The following SBF2 variants were observed in gnomAD, a reference collection of about 807,000 sequenced individuals.
SBF2 encodes the protein myotubularin-related protein 13.
Under a neutral mutation model 225.2 loss-of-function variants are expected in SBF2, and 112 were observed. The observed-to-expected ratio is 0.50, with a 90% CI of 0.43 to 0.58. The LOEUF (loss-of-function observed/expected upper bound fraction) is 0.58. Ranked by LOEUF, SBF2 falls within the 20% of genes least tolerant of loss-of-function variation. The pLI is 0.00. For synonymous variants in SBF2, 763 were observed against 773.3 expected (o/e 0.99, Z 0.22); for missense variants, 1,996 against 2,206.2 (o/e 0.90, Z 1.91).
At chr11:10,297,664 C>A (rs1964560368), upstream of SBF2, among the ~76,000 whole-genome samples, 1 of 152,142 alleles carries the variant, frequency 6.6e-6, no homozygotes, top group South Asian at 2.1e-4. Context: ...TGTTTTTAAG[C>A]CTAGAATCAA....
chr11:9,825,447 G>T (rs1855008818), intron 28 of SBF2, among the ~76,000 whole-genome samples: 1 of 152,096 alleles, frequency 6.6e-6, no homozygotes, highest in Non-Finnish European at 1.5e-5. Flanking sequence ...CCAATTTGTG[G>T]CACTTTGTTA....
intron 16 of SBF2, chr11:9,959,681 T>G (rs548451842): frequency 1.5e-4 from 108 of 731,214 alleles, no homozygotes; most frequent in Non-Finnish European, 2.6e-4. Flanking sequence ...CTTGCTTGAG[T>G]ACCATCGATT....
At chr11:9,948,435 A>T (rs1463475456) in intron 16 of SBF2, among the ~76,000 whole-genome samples, 1 of 152,222 alleles carries the variant, frequency 6.6e-6, no homozygotes, top group Non-Finnish European at 1.5e-5. Context: ...ATATATATTT[A>T]ACCACAGTTT....
intron 2 of SBF2, among the ~76,000 whole-genome samples, chr11:10,173,376 T>G (rs905861773): frequency 1.3e-5 from 2 of 152,210 alleles, no homozygotes; most frequent in African/African-American, 4.8e-5. Context: ...GAGTTCCCTT[T>G]CCTAGTCAAA....
At chr11:10,229,345 C>T (rs1324462464) in intron 1 of SBF2, among the ~76,000 whole-genome samples, 1 of 151,942 alleles carries the variant, frequency 6.6e-6, no homozygotes, top group African/African-American at 2.4e-5. Flanking sequence ...TTATTTCTTG[C>T]CTTCTGCTAG....
chr11:10,028,471 A>C lies in SBF2; in HGVS notation c.600T>G (p.Ala200=), dbSNP rs770433606. The C allele has an allele frequency of 5.5e-5, 88 of 1,610,994 alleles. No homozygotes were observed. The highest frequency in any genetic ancestry group is 7.1e-5 in the Non-Finnish European group (84 of 1,177,224). ...DSLPITGTSV[A]LLFQQLGIQN... ...ACATACCCAATTGCTGGAACAGGAGAGCCACACTAGTGCCCGTGATAGGAA... is the reference window on the plus strand; with the variant it reads ...ACATACCCAATTGCTGGAACAGGAGCGCCACACTAGTGCCCGTGATAGGAA... Residue 200 remains alanine, a synonymous_variant, in exon 6 of 40, where the codon GCT becomes GCG. Coordinates refer to ENST00000256190, the MANE Select transcript of SBF2 (RefSeq NM_030962.4).
intron 1 of SBF2, among the ~76,000 whole-genome samples, chr11:10,248,581 C>A (rs1332793424): frequency 6.6e-6 from 1 of 152,048 alleles, no homozygotes; most frequent in Non-Finnish European, 1.5e-5. Context: ...AGTAAAAATG[C>A]TAAGGGTTAA....
chr11:10,066,048 A>C (rs1441865981), intron 2 of SBF2, among the ~76,000 whole-genome samples: 4 of 152,100 alleles, frequency 2.6e-5, no homozygotes, highest in Admixed American at 2.6e-4. Context: ...AGAAAATAAA[A>C]CTATAGTTAA....
intron 2 of SBF2, among the ~76,000 whole-genome samples, chr11:10,106,320 T>C (rs1952552450): frequency 6.6e-6 from 1 of 152,108 alleles, no homozygotes; most frequent in Non-Finnish European, 1.5e-5. Context: ...AATAATCCTT[T>C]AGATACACAC....
In SBF2 at chr11:10,080,547, G is replaced by GA. The variant is rs552718062; in HGVS notation, c.142-37567dup. On this transcript the variant is annotated intron_variant, in intron 2 of 39. Coordinates refer to ENST00000256190, the MANE Select transcript of SBF2 (RefSeq NM_030962.4). ...ACCCTACTAAACCTAAAAAGACAGA[G>GA]AAAAAAAAAAGAATCCCAAAGGCAA... 4.7e-3 allele frequency among the ~76,000 whole-genome samples: 668 copies of GA among 141,050 alleles called. 3 individuals carry two copies. The highest frequency in any genetic ancestry group is 6.3e-3 in the South Asian group (28 of 4,474). The allele number at this position is 141,050 out of a possible 152,430, so 92.5% of individuals were successfully genotyped here. A position where few individuals can be genotyped will look rare whatever the true frequency, so the allele number is the denominator to read the frequency against.
chr11:9,816,780 G>A (rs1854478887), intron 29 of SBF2, 60 bp downstream of exon 29: 1 of 1,543,750 alleles, frequency 6.5e-7, no homozygotes. Context: ...TGTGATACAG[G>A]TTTTATCAAC....
intron 1 of SBF2, among the ~76,000 whole-genome samples, chr11:10,236,522 C>T (rs185181797): frequency 2.0e-5 from 3 of 152,078 alleles, no homozygotes; most frequent in Non-Finnish European, 2.9e-5. Context: ...TGCAGTGGCG[C>T]GATCTCAGCT....
At chr11:9,903,772 G>A (rs1480691877) in intron 16 of SBF2, among the ~76,000 whole-genome samples, 3 of 152,276 alleles carry the variant, frequency 2.0e-5, no homozygotes, top group East Asian at 1.9e-4. Context: ...CACTTGGGAG[G>A]TGAGCATGCG....
intron 2 of SBF2, among the ~76,000 whole-genome samples, chr11:10,170,354 G>C (rs575910163): frequency 6.6e-6 from 1 of 152,180 alleles, no homozygotes; most frequent in South Asian, 2.1e-4. Flanking sequence ...TGGACATCCA[G>C]TTTCTTCAGC....
chr11:9,959,206 T>C, intron 16 of SBF2: 2 of 780,426 alleles, frequency 2.6e-6, no homozygotes, highest in East Asian at 2.4e-5. Flanking sequence ...GAATTTCCAC[T>C]GGGCAGGCAT....
rs1402158409 is a variant in SBF2, at chr11:10,075,446, G to A, written c.142-32465C>T. ...GGTAGTTGATATGGTTTGGTTCTGTGTCCCCACCCAAATCTTATGTTGAAT... is the reference window on the plus strand; with the variant it reads ...GGTAGTTGATATGGTTTGGTTCTGTATCCCCACCCAAATCTTATGTTGAAT... On this transcript the variant is annotated intron_variant, in intron 2 of 39. Transcript: ENST00000256190. Among the ~76,000 whole-genome samples, 4 of 152,180 alleles carry A rather than the reference G, an allele frequency of 2.6e-5. No individual in the cohort carries two copies. In the East Asian group the frequency reaches 7.7e-4, roughly 29 times the overall value.
intron 1 of SBF2, among the ~76,000 whole-genome samples, chr11:10,227,669 C>G (rs1262390515): frequency 6.6e-6 from 1 of 152,116 alleles, no homozygotes; most frequent in African/African-American, 2.4e-5. Flanking sequence ...CTGTTCTGTT[C>G]CATTGGTCTA....
At chr11:9,844,513 C>T (rs1856401611) in intron 24 of SBF2, among the ~76,000 whole-genome samples, 1 of 152,106 alleles carries the variant, frequency 6.6e-6, no homozygotes, top group South Asian at 2.1e-4. Flanking sequence ...AAGTTTAAAA[C>T]TTTCAACATA....
chr11:10,186,679 T>C lies in SBF2; in HGVS notation c.141+7223A>G, dbSNP rs561770378. 2.0e-5 allele frequency among the ~76,000 whole-genome samples: 3 copies of C among 152,308 alleles called. No homozygotes were observed. In the South Asian group the frequency reaches 6.2e-4, roughly 32 times the overall value. ...GGTGACTAAACTCAATCTCCAGCCC[T>C]TCTCTCTCCCCACTGGGGGTGAAAG... On this transcript the variant is annotated intron_variant, in intron 2 of 39. Transcript: ENST00000256190.
Sources: allele counts gnomAD v4.1 joint callset (sites outside exome capture counted in the v4.1 genomes callset), GRCh38; gene constraint gnomAD v4.1.1; transcripts MANE v1.5; gene names NCBI Gene and HGNC (gene_info 2026-07-23, HGNC 2026-07-21).